The following CBLN2 variants were observed in gnomAD, a reference collection of about 807,000 sequenced individuals.
The protein encoded by CBLN2 is cerebellin-2.
In CBLN2, 7 loss-of-function variants were observed where a neutral mutation model predicts 15.0. That is an observed-to-expected ratio of 0.47 (90% CI 0.27 to 0.88). CBLN2 has a LOEUF of 0.88. CBLN2 is among the 40% of genes least tolerant of loss of function. The pLI is 0.14. For missense variants in CBLN2, 242 were observed against 304.5 expected, an observed-to-expected ratio of 0.79 and a Z score of 1.53; for synonymous variants, 149 against 135.2, an observed-to-expected ratio of 1.10 and a Z score of -0.71.
At chr18:72,597,699 C>T (rs1415491230) in intron 1 of CBLN2, among the ~76,000 whole-genome samples, 3 of 152,220 alleles carry the variant, frequency 2.0e-5, no homozygotes, top group African/African-American at 7.2e-5. Flanking sequence ...AATCAGAAAC[C>T]TTTGGGATCT....
At chr18:72,557,913 A>G (rs1476558147) in intron 1 of CBLN2, among the ~76,000 whole-genome samples, 2 of 152,196 alleles carry the variant, frequency 1.3e-5, no homozygotes. Context: ...GGAACTTAAA[A>G]TAAAAATATG....
intron 1 of CBLN2, among the ~76,000 whole-genome samples, chr18:72,625,416 A>G (rs992620840): frequency 1.3e-4 from 19 of 151,078 alleles, no homozygotes; most frequent in African/African-American, 4.4e-4. Context: ...AATGTTTACC[A>G]CTCTTGTAGT....
upstream of CBLN2, among the ~76,000 whole-genome samples, chr18:72,548,612 G>C (rs192438827): frequency 4.6e-5 from 7 of 152,144 alleles, no homozygotes; most frequent in Non-Finnish European, 8.8e-5. Context: ...AGAGAAGTAT[G>C]GTTATCCCCT....
chr18:72,571,677 G>A (rs1240727165), intron 1 of CBLN2, among the ~76,000 whole-genome samples: 3 of 152,138 alleles, frequency 2.0e-5, no homozygotes, highest in African/African-American at 7.2e-5. Flanking sequence ...GAGAATAACA[G>A]CAAACTAAAC....
intron 1 of CBLN2, among the ~76,000 whole-genome samples, chr18:72,637,094 G>T (rs962097457): frequency 3.3e-5 from 5 of 151,300 alleles, no homozygotes; most frequent in Admixed American, 1.3e-4. Context: ...CAGCAATGAG[G>T]TAGGGAATGG....
At chr18:72,570,082 T>C (rs962317669) in intron 1 of CBLN2, among the ~76,000 whole-genome samples, 1 of 152,154 alleles carries the variant, frequency 6.6e-6, no homozygotes, top group Admixed American at 6.5e-5. Context: ...GTGGTTATGT[T>C]TTATGAAGTC....
Position 72,587,667 on chromosome 18 carries a change from A to G in CBLN2, c.16-48895T>C, listed in dbSNP as rs540556131. ...CAAAGACAATGATCATTACATTTGA[A>G]TAATGTCTCACATTTCACAAAATCA... On this transcript the variant is annotated intron_variant, in intron 1 of 2. Coordinates refer to the CBLN2 transcript ENST00000581073. 9.1e-4 allele frequency among the ~76,000 whole-genome samples: 138 copies of G among 152,274 alleles called. 2 individuals are homozygous for G. The Middle Eastern group carries it at 0.01, about 11-fold the overall frequency.
intron 1 of CBLN2, among the ~76,000 whole-genome samples, chr18:72,601,018 G>A (rs1301253600): frequency 6.6e-6 from 1 of 152,136 alleles, no homozygotes; most frequent in African/African-American, 2.4e-5. Context: ...AGGAGTAAAC[G>A]GGGAAGTCAC....
chr18:72,612,550 A>G (rs945964617), intron 1 of CBLN2, among the ~76,000 whole-genome samples: 2 of 151,340 alleles, frequency 1.3e-5, no homozygotes, highest in African/African-American at 2.4e-5. Context: ...TTGGATGCAT[A>G]TTTTCTGTGT....
At chr18:72,623,788 A>G (rs965749753) in intron 1 of CBLN2, among the ~76,000 whole-genome samples, 1 of 152,066 alleles carries the variant, frequency 6.6e-6, no homozygotes, top group African/African-American at 2.4e-5. Context: ...GCTTCAAGAA[A>G]CTCAAGAAGT....
At chr18:72,558,711 G>A (rs1053706577) in intron 1 of CBLN2, among the ~76,000 whole-genome samples, 5 of 152,158 alleles carry the variant, frequency 3.3e-5, no homozygotes, top group African/African-American at 9.7e-5. Flanking sequence ...AAATCACTTT[G>A]TAGGTAACTT....
chr18:72,550,219 A>G (rs1435088232), intron 1 of CBLN2, among the ~76,000 whole-genome samples: 1 of 152,216 alleles, frequency 6.6e-6, no homozygotes, highest in Non-Finnish European at 1.5e-5. Context: ...AAGTCATGGA[A>G]CTGCTATCTC....
In CBLN2 at chr18:72,563,357, G is replaced by T. The variant is rs745375467; in HGVS notation, c.16-24585C>A. On this transcript the variant is annotated intron_variant, in intron 1 of 2. Coordinates refer to the CBLN2 transcript ENST00000581073. ...ATTCATCTATAAGATGAGTGGAAAT[G>T]GTTCTGAATGAAGACTTGTCAAAAA... 1.3e-3 allele frequency among the ~76,000 whole-genome samples: 196 copies of T among 152,110 alleles called. 1 individual carries two copies. The highest frequency in any genetic ancestry group is 1.9e-3 in the Non-Finnish European group (129 of 68,024).
At chr18:72,615,182 T>C in intron 1 of CBLN2, among the ~76,000 whole-genome samples, 1 of 133,386 alleles carries the variant, frequency 7.5e-6, no homozygotes, top group South Asian at 2.2e-4. Context: ...TATATTTATA[T>C]ATTATATATA....
rs2069609862 is a variant in CBLN2 at position 72,609,881 on chromosome 18, G to C, written c.15+28444C>G. Among the ~76,000 whole-genome samples the C allele has an allele frequency of 2.0e-5, 3 of 152,268 alleles. No individual in the cohort carries two copies. The South Asian group carries it at 6.2e-4, about 32-fold the overall frequency. On this transcript the variant is annotated intron_variant, in intron 1 of 2. Transcript: ENST00000581073. ...TACTTCATGCCATTGGGCACATTGG[G>C]CAGTTCTGCTTTGCTCACAGCTGTC...
At chr18:72,574,053 T>C (rs1021102648) in intron 1 of CBLN2, among the ~76,000 whole-genome samples, 2 of 152,238 alleles carry the variant, frequency 1.3e-5, no homozygotes, top group Non-Finnish European at 2.9e-5. Flanking sequence ...GAGCCTCTTT[T>C]CATATCCCTA....
At chr18:72,577,930 C>G (rs777385336) in intron 1 of CBLN2, among the ~76,000 whole-genome samples, 1 of 152,140 alleles carries the variant, frequency 6.6e-6, no homozygotes, top group African/African-American at 2.4e-5. Context: ...TTCTGATCAT[C>G]GATGAATAAT....
At chr18:72,568,988 T>C (rs1453572743) in intron 1 of CBLN2, among the ~76,000 whole-genome samples, 2 of 152,250 alleles carry the variant, frequency 1.3e-5, no homozygotes, top group South Asian at 2.1e-4. Context: ...TCCTTATGAA[T>C]GAGTGAAGTT....
Position 72,609,146 on chromosome 18 carries a change from A to G in CBLN2, c.15+29179T>C, listed in dbSNP as rs529081063. Among the ~76,000 whole-genome samples the G allele has an allele frequency of 1.1e-4, 17 of 152,306 alleles. No individual in the cohort carries two copies. The South Asian group carries it at 3.3e-3, about 30-fold the overall frequency. ...GTATCTCAGCAGAGGCCAATAAGGT[A>G]AATTTGACTGACTCTTTTATAACTT... On this transcript the variant is annotated intron_variant, in intron 1 of 2. Coordinates refer to the CBLN2 transcript ENST00000581073.
Sources: allele counts gnomAD v4.1 joint callset (sites outside exome capture counted in the v4.1 genomes callset), GRCh38; gene constraint gnomAD v4.1.1; transcripts MANE v1.5; gene names NCBI Gene and HGNC (gene_info 2026-07-23, HGNC 2026-07-21).